The following ZMYM2 variants were observed in gnomAD, a reference collection of about 807,000 sequenced individuals.
ZMYM2 encodes the protein zinc finger MYM-type containing 2.
ZMYM2 carries 56 observed loss-of-function variants against 162.8 expected under a neutral mutation model. The observed-to-expected ratio is 0.34, with a 90% confidence interval of 0.28 to 0.43. The LOEUF (loss-of-function observed/expected upper bound fraction) is 0.43. Ranked by LOEUF, ZMYM2 falls within the 20% of genes least tolerant of loss-of-function variation. The probability of loss-of-function intolerance (pLI) is 1.00; values close to 1 mark genes in which losing one functional copy is unlikely to be tolerated. For synonymous variants in ZMYM2, 510 were observed against 541.6 expected, an observed-to-expected ratio of 0.94 and a Z score of 0.81; for missense variants, 1,275 against 1,621.8, an observed-to-expected ratio of 0.79 and a Z score of 3.67.
the ZMYM2 span, among the ~76,000 whole-genome samples, chr13:19,891,277 CAG>C: frequency 6.6e-6 from 1 of 151,822 alleles, no homozygotes; most frequent in Non-Finnish European, 1.5e-5. Context: ...CGTGAGGACA[CAG>C]TGAGAGTGTG....
At chr13:19,995,890 C>A (rs1046098252) in intron 3 of ZMYM2, among the ~76,000 whole-genome samples, 1 of 152,102 alleles carries the variant, frequency 6.6e-6, no homozygotes, top group East Asian at 1.9e-4. Flanking sequence ...ACTTGGGGGG[C>A]TGAGGTGGGA....
chr13:19,991,173 G>T (rs2139698027), intron 2 of ZMYM2, among the ~76,000 whole-genome samples: 1 of 150,380 alleles, frequency 6.6e-6, no homozygotes, highest in East Asian at 2.0e-4. Context: ...GAATATAGTG[G>T]CACAATCGTA....
chr13:19,901,212 T>C, the ZMYM2 span, among the ~76,000 whole-genome samples: 1 of 152,104 alleles, frequency 6.6e-6, no homozygotes, highest in Non-Finnish European at 1.5e-5. Context: ...CTTCAACATA[T>C]GAACTTTGGG....
intron 19 of ZMYM2, among the ~76,000 whole-genome samples, chr13:20,065,451 A>C (rs537019785): frequency 1.4e-3 from 220 of 152,266 alleles, no homozygotes; most frequent in South Asian, 4.8e-3. Flanking sequence ...TAAATAAATA[A>C]ACTGGACTAC....
chr13:19,879,926 A>C, the ZMYM2 span, among the ~76,000 whole-genome samples: 2 of 152,334 alleles, frequency 1.3e-5, no homozygotes, highest in African/African-American at 2.4e-5. Context: ...AATCTGTTGG[A>C]GGCCTTAATA....
the ZMYM2 span, among the ~76,000 whole-genome samples, chr13:19,880,430 A>ATTTT: frequency 6.6e-6 from 1 of 150,908 alleles, no homozygotes; most frequent in Non-Finnish European, 1.5e-5. Context: ...TTGTAACTGA[A>ATTTT]TTTTTTTTCT....
In ZMYM2 at chr13:20,051,529, C is replaced by G; in HGVS notation, c.2389C>G (p.Leu797Val). The G allele has an allele frequency of 6.2e-7, 1 of 1,613,586 alleles. No individual in the cohort carries two copies. Among genetic ancestry groups the G allele is most frequent in the Non-Finnish European group, 8.5e-7 (1 of 1,179,628 alleles). Residue 797 changes from leucine (L) to valine (V), a missense_variant, in exon 13 of 25, where the codon CTG becomes GTG. Physicochemically the swap from Leu to Val is conservative, Grantham distance 32 (BLOSUM62 1). Coordinates refer to ENST00000610343, the MANE Select transcript of ZMYM2 (RefSeq NM_197968.4). ...MKHFCDQHCL[L>V]RFYCQQNEPN... ...ACATTTCTGTGATCAACATTGCTTACTGCGTTTCTACTGTCAACAAAATGA... is the reference window on the plus strand; with the variant it reads ...ACATTTCTGTGATCAACATTGCTTAGTGCGTTTCTACTGTCAACAAAATGA...
intron 2 of ZMYM2, among the ~76,000 whole-genome samples, chr13:19,987,619 T>A: frequency 1.9e-5 from 1 of 53,264 alleles, no homozygotes; most frequent in African/African-American, 7.9e-5. Flanking sequence ...TGGGGTTTTG[T>A]CGTGTGTGTG....
At chr13:20,050,222 C>A (rs1236969648) in intron 12 of ZMYM2, among the ~76,000 whole-genome samples, 1 of 151,526 alleles carries the variant, frequency 6.6e-6, no homozygotes, top group African/African-American at 2.4e-5. Context: ...AAATACCTGA[C>A]CTGGAGAAAA....
At chr13:20,083,453 T>C (rs1282182027) in intron 23 of ZMYM2, among the ~76,000 whole-genome samples, 1 of 152,224 alleles carries the variant, frequency 6.6e-6, no homozygotes, top group East Asian at 1.9e-4. Context: ...ACCTAAGGAC[T>C]GTCAGTTTTA....
At chr13:20,019,776 T>C (rs777752175) in intron 7 of ZMYM2, 158 bp downstream of exon 7, 1 of 643,006 alleles carries the variant, frequency 1.6e-6, no homozygotes. Flanking sequence ...CTCTGAGACA[T>C]AGATTTCTAA....
chr13:19,916,710 C>CG, the ZMYM2 span, among the ~76,000 whole-genome samples: 2 of 8,670 alleles, frequency 2.3e-4, no homozygotes, highest in African/African-American at 5.2e-4. Flanking sequence ...CGGGGCTTGT[C>CG]GGGGGGTGGG....
At chr13:20,021,607 GCGGTGATACCTGGAGAGAT>G in intron 7 of ZMYM2, among the ~76,000 whole-genome samples, 1 of 152,176 alleles carries the variant, frequency 6.6e-6, no homozygotes, top group East Asian at 1.9e-4. Context: ...TCATACTACC[GCGGTGATACCTGGAGAGAT>G]CTGAATCATC....
chr13:20,056,365 C>T (rs1955795944), intron 14 of ZMYM2, among the ~76,000 whole-genome samples: 1 of 152,132 alleles, frequency 6.6e-6, no homozygotes, highest in African/African-American at 2.4e-5. Context: ...TGGATAATGC[C>T]CCAGTTCATT....
At chr13:19,890,522 AGT>A in the ZMYM2 span, among the ~76,000 whole-genome samples, 1 of 148,334 alleles carries the variant, frequency 6.7e-6, no homozygotes, top group African/African-American at 2.5e-5. Context: ...AAAAAAAAAA[AGT>A]TGGGAAAAAA....
intron 2 of ZMYM2, among the ~76,000 whole-genome samples, chr13:19,969,811 T>C (rs972233707): frequency 6.6e-6 from 1 of 152,128 alleles, no homozygotes; most frequent in African/African-American, 2.4e-5. Flanking sequence ...CCTTTGACTT[T>C]TTTTTTTTCT....
intron 2 of ZMYM2, among the ~76,000 whole-genome samples, chr13:19,983,976 T>C (rs1948941202): frequency 6.6e-6 from 1 of 152,162 alleles, no homozygotes; most frequent in African/African-American, 2.4e-5. Context: ...AACTCAGAAC[T>C]ATTATAAGTG....
the ZMYM2 span, among the ~76,000 whole-genome samples, chr13:19,889,152 T>C: frequency 6.6e-6 from 1 of 151,832 alleles, no homozygotes; most frequent in Non-Finnish European, 1.5e-5. Context: ...TGGGAAGAGA[T>C]TTAGCTGGTT....
chr13:19,981,854 G>GTTAAGAA (rs3057647), intron 2 of ZMYM2, among the ~76,000 whole-genome samples: 149,632 of 152,206 alleles, frequency 0.98, 73,601 homozygotes, highest in Middle Eastern at 1. Context: ...TCTGTTCGTG[G>GTTAAGAA]TGCATGTCTA....
Sources: allele counts gnomAD v4.1 joint callset (sites outside exome capture counted in the v4.1 genomes callset), GRCh38; gene constraint gnomAD v4.1.1; transcripts MANE v1.5; gene names NCBI Gene and HGNC (gene_info 2026-07-23, HGNC 2026-07-21).